Variants in RBFOX1 observed in about 807,000 individuals in gnomAD.
RBFOX1 encodes RNA binding fox-1 homolog 1.
A neutral mutation model predicts 57.7 loss-of-function variants in RBFOX1; 8 were observed. That is an observed-to-expected ratio of 0.14 (90% CI 0.08 to 0.25). The LOEUF (loss-of-function observed/expected upper bound fraction) is 0.25. RBFOX1 is among the 10% of genes least tolerant of loss of function. The pLI, the probability that RBFOX1 is intolerant of heterozygous loss-of-function variation, is 1.00. For synonymous variants in RBFOX1, 326 were observed against 222.4 expected (o/e 1.47, Z -4.15); for missense variants, 611 against 548.5 (o/e 1.11, Z -1.14).
intron 2 of RBFOX1, among the ~76,000 whole-genome samples, chr16:6,587,161 T>C (rs887739380): frequency 3.3e-5 from 5 of 152,164 alleles, no homozygotes; most frequent in African/African-American, 7.2e-5. Context: ...TTTTTATCCA[T>C]TGACTAATGT....
chr16:5,776,520 G>T lies in RBFOX1; in HGVS notation c.319-90783G>T, dbSNP rs150135001. Among the ~76,000 whole-genome samples, 650 of 152,264 alleles carry T rather than the reference G, an allele frequency of 4.3e-3. 6 individuals are homozygous for T. The highest frequency in any genetic ancestry group is 0.015 in the African/African-American group (611 of 41,548). On this transcript the variant is annotated intron_variant, in intron 3 of 19. Transcript: ENST00000641259. ...AAAGGGAAATGGTAATAATAATAAG[G>T]GTTGGTATTTATTACGTGCCCACTA...
chr16:7,124,206 G>T (rs2067860536), intron 4 of RBFOX1, among the ~76,000 whole-genome samples: 1 of 152,126 alleles, frequency 6.6e-6, no homozygotes, highest in Non-Finnish European at 1.5e-5. Context: ...GGCCAAGGCA[G>T]GAGGACTGCT....
intron 3 of RBFOX1, among the ~76,000 whole-genome samples, chr16:6,661,785 G>A (rs2098703181): frequency 6.6e-6 from 1 of 152,190 alleles, no homozygotes; most frequent in South Asian, 2.1e-4. Context: ...GAATGCAACT[G>A]TCTCTTTGAA....
At chr16:7,495,595 T>A (rs1235141890) in intron 4 of RBFOX1, among the ~76,000 whole-genome samples, 3 of 152,220 alleles carry the variant, frequency 2.0e-5, no homozygotes, top group Admixed American at 6.5e-5. Flanking sequence ...TTTTCGTATG[T>A]TTGTTGACTG....
chr16:6,181,554 C>G (rs2097062915), intron 1 of RBFOX1, among the ~76,000 whole-genome samples: 1 of 152,134 alleles, frequency 6.6e-6, no homozygotes, highest in Admixed American at 6.5e-5. Context: ...AACTTGCATC[C>G]TATTAGCCAG....
At chr16:7,159,021 C>A (rs915707443) in intron 4 of RBFOX1, among the ~76,000 whole-genome samples, 2 of 151,884 alleles carry the variant, frequency 1.3e-5, no homozygotes, top group Admixed American at 6.6e-5. Context: ...TTCTCTCACC[C>A]CTACCCCCGT....
At chr16:7,304,092 T>C (rs118098404) in intron 4 of RBFOX1, 17,607 of 546,766 alleles carry the variant, frequency 0.032, 324 homozygotes, top group Non-Finnish European at 0.036. Context: ...GTGTTTTAGT[T>C]GGAGGCAGAG....
chr16:5,627,672 C>A (rs1035778451), intron 3 of RBFOX1, among the ~76,000 whole-genome samples: 1 of 152,102 alleles, frequency 6.6e-6, no homozygotes, highest in Non-Finnish European at 1.5e-5. Context: ...TCCACAGATT[C>A]AACCAACTGA....
intron 3 of RBFOX1, among the ~76,000 whole-genome samples, chr16:6,861,310 G>C (rs776616204): frequency 6.6e-6 from 1 of 152,120 alleles, no homozygotes; most frequent in Non-Finnish European, 1.5e-5. Flanking sequence ...TCCCTTTCGA[G>C]TGCATTGTCT....
At chr16:7,459,511 C>A (rs373544510) in intron 4 of RBFOX1, among the ~76,000 whole-genome samples, 1 of 152,166 alleles carries the variant, frequency 6.6e-6, no homozygotes, top group East Asian at 1.9e-4. Flanking sequence ...TTTCCTGTTG[C>A]CAGATTAAAG....
chr16:6,767,265 C>T (rs1045789068), intron 3 of RBFOX1, among the ~76,000 whole-genome samples: 1 of 152,048 alleles, frequency 6.6e-6, no homozygotes, highest in African/African-American at 2.4e-5. Context: ...TGGCTCAAGT[C>T]TCTCCAAGGA....
At chr16:6,662,125 C>CTA (rs2098705207) in intron 3 of RBFOX1, among the ~76,000 whole-genome samples, 1 of 68,042 alleles carries the variant, frequency 1.5e-5, no homozygotes, top group Admixed American at 1.6e-4. Flanking sequence ...TTGCCGAGGG[C>CTA]TGGGGGCGGG....
intron 3 of RBFOX1, among the ~76,000 whole-genome samples, chr16:6,834,264 G>T (rs2092926285): frequency 6.6e-6 from 1 of 151,774 alleles, no homozygotes; most frequent in Non-Finnish European, 1.5e-5. Flanking sequence ...TAGTAGAGAT[G>T]GGGGTTTCAC....
At chr16:7,178,464 A>G (rs543826226) in intron 4 of RBFOX1, among the ~76,000 whole-genome samples, 4 of 152,308 alleles carry the variant, frequency 2.6e-5, no homozygotes, top group East Asian at 1.9e-4. Context: ...AATTTTTTTT[A>G]TTCGTTCATA....
intron 3 of RBFOX1, among the ~76,000 whole-genome samples, chr16:6,674,749 G>A (rs2098790068): frequency 6.6e-6 from 1 of 152,138 alleles, no homozygotes; most frequent in Admixed American, 6.5e-5. Flanking sequence ...GAGGGGTGCT[G>A]GCCACCAGCA....
intron 1 of RBFOX1, among the ~76,000 whole-genome samples, chr16:5,455,025 C>G (rs7500255): frequency 1.3e-5 from 1 of 79,444 alleles, no homozygotes; most frequent in Non-Finnish European, 2.5e-5. Context: ...CTTTCTTTCT[C>G]TCTCTCTGTC....
intron 2 of RBFOX1, among the ~76,000 whole-genome samples, chr16:6,448,948 C>T (rs187852777): frequency 6.0e-5 from 9 of 150,546 alleles, no homozygotes; most frequent in Admixed American, 4.7e-4. Flanking sequence ...AAAAGGCATA[C>T]ATTTTCGTAA....
chr16:6,746,586 G>A (rs565825396), intron 3 of RBFOX1, among the ~76,000 whole-genome samples: 1 of 152,126 alleles, frequency 6.6e-6, no homozygotes, highest in South Asian at 2.1e-4. Flanking sequence ...GCTGAACTGG[G>A]GGGATCACCT....
At chr16:6,387,974 A>ATTTTTTTTTTTTTTTTTTTTTTTTTTTTT (rs61603572) in intron 2 of RBFOX1, among the ~76,000 whole-genome samples, 1 of 84,150 alleles carries the variant, frequency 1.2e-5, no homozygotes, top group Non-Finnish European at 2.1e-5. Context: ...TTTGTGGAAC[A>ATTTTTTTTTTTTTTTTTTTTTTTTTTTTT]TTTTTTTTTT....
Sources: allele counts gnomAD v4.1 joint callset (sites outside exome capture counted in the v4.1 genomes callset), GRCh38; gene constraint gnomAD v4.1.1; transcripts MANE v1.5; gene names NCBI Gene and HGNC (gene_info 2026-07-23, HGNC 2026-07-21).